Variants in LRRIQ1 observed in about 807,000 individuals in gnomAD.
The protein encoded by LRRIQ1 is leucine-rich repeat- and IQ domain-containing protein 1.
LRRIQ1 carries 210 observed loss-of-function variants against 211.9 expected under a neutral mutation model. The observed-to-expected ratio is 0.99, with a 90% CI of 0.89 to 1.11. LRRIQ1 has a LOEUF of 1.11. Ranked by LOEUF, LRRIQ1 falls within the 50% of genes most tolerant of loss-of-function variation. The pLI is 0.00. For missense variants in LRRIQ1, 2,136 were observed against 1,939.5 expected (o/e 1.10, Z -1.90); for synonymous variants, 699 against 650.1 (o/e 1.08, Z -1.14).
chr12:85,123,086 T>G (rs1393678934), intron 16 of LRRIQ1, among the ~76,000 whole-genome samples: 2 of 151,338 alleles, frequency 1.3e-5, no homozygotes, highest in Non-Finnish European at 2.9e-5. Flanking sequence ...CACTTAATAT[T>G]CTAATATTGA....
chr12:85,255,181 C>T, intron 1 of LRRIQ1, among the ~76,000 whole-genome samples: 1 of 151,602 alleles, frequency 6.6e-6, no homozygotes, highest in East Asian at 1.9e-4. Flanking sequence ...TCTACTATAA[C>T]TCCAGTAGAT....
intron 24 of LRRIQ1, among the ~76,000 whole-genome samples, chr12:85,208,826 C>G (rs1444253252): frequency 6.6e-6 from 1 of 152,112 alleles, no homozygotes; most frequent in Non-Finnish European, 1.5e-5. Context: ...GGATTGTTAT[C>G]TAATGTTATA....
At chr12:85,117,823 G>A (rs909625382) in intron 15 of LRRIQ1, among the ~76,000 whole-genome samples, 15 of 152,074 alleles carry the variant, frequency 9.9e-5, no homozygotes, top group African/African-American at 3.6e-4. Context: ...TTCATACCTG[G>A]CATTTTATAA....
Position 85,154,084 on chromosome 12 carries a change from G to GA in LRRIQ1, c.4717dup (p.Ile1573AsnfsTer14). The GA allele has an allele frequency of 1.9e-6, 3 of 1,556,146 alleles. No individual in the cohort carries two copies. Among genetic ancestry groups the GA allele is most frequent in the Non-Finnish European group, 2.6e-6 (3 of 1,148,240 alleles). ...AGAAAATGAAATCGAAGAAACTAAA[G>GA]AAAAAAATAGGTGAGTAATTAGTGC... On this transcript the variant is annotated frameshift_variant, in exon 23 of 27. Coordinates refer to ENST00000393217, the MANE Select transcript of LRRIQ1 (RefSeq NM_001079910.2). LOFTEE classifies it high-confidence loss of function.
intron 8 of LRRIQ1, among the ~76,000 whole-genome samples, chr12:85,060,985 T>G (rs1881727429): frequency 6.6e-6 from 1 of 151,876 alleles, no homozygotes; most frequent in African/African-American, 2.4e-5. Context: ...GTTTCATAGC[T>G]TCTATAGGTG....
intron 17 of LRRIQ1, among the ~76,000 whole-genome samples, chr12:85,125,603 A>T (rs763402555): frequency 2.6e-5 from 4 of 152,102 alleles, no homozygotes; most frequent in Non-Finnish European, 4.4e-5. Context: ...CCTTTTTTCA[A>T]AAGTTGTCAG....
intron 24 of LRRIQ1, among the ~76,000 whole-genome samples, chr12:85,202,869 T>C (rs905964978): frequency 4.6e-5 from 7 of 152,344 alleles, no homozygotes; most frequent in African/African-American, 1.4e-4. Flanking sequence ...CTGGTGGCTG[T>C]GTAGTCTCAC....
Position 85,055,612 on chromosome 12 carries a change from A to G in LRRIQ1, c.819A>G (p.Glu273=), listed in dbSNP as rs1330046113. The stretch of plus-strand genomic sequence containing the variant: ...GAACAAGATTTAAAGACCAACAAGA[A>G]AAAGAAAAAAATTCTTTGTTAAAAC... ...EERTRFKDQQ[E]KEKNSLLKQQ... Residue 273 remains glutamate, a synonymous_variant, in exon 8 of 27, where the codon GAA becomes GAG. Coordinates refer to ENST00000393217, the MANE Select transcript of LRRIQ1 (RefSeq NM_001079910.2). The G allele has an allele frequency of 2.5e-6, 4 of 1,571,748 alleles. No individual in the cohort carries two copies. In the East Asian group the frequency reaches 9.0e-5, roughly 35 times the overall value.
intron 11 of LRRIQ1, among the ~76,000 whole-genome samples, chr12:85,083,765 C>T (rs1430149762): frequency 6.6e-6 from 1 of 152,054 alleles, no homozygotes; most frequent in Non-Finnish European, 1.5e-5. Flanking sequence ...ATAATTAATA[C>T]CTGCCTATTG....
At chr12:85,054,760 A>T (rs1185009380) in intron 7 of LRRIQ1, among the ~76,000 whole-genome samples, 2 of 151,498 alleles carry the variant, frequency 1.3e-5, no homozygotes, top group Admixed American at 1.3e-4. Flanking sequence ...CTGTTTAAAT[A>T]TTTTTTCTAA....
At chr12:85,225,394 A>G (rs191392255) in intron 24 of LRRIQ1, among the ~76,000 whole-genome samples, 35 of 152,340 alleles carry the variant, frequency 2.3e-4, no homozygotes, top group Non-Finnish European at 1.6e-4. Context: ...GAAAACAGCT[A>G]CAAGTAAATG....
intron 24 of LRRIQ1, among the ~76,000 whole-genome samples, chr12:85,222,732 C>A (rs1245216144): frequency 6.6e-6 from 1 of 152,016 alleles, no homozygotes; most frequent in Non-Finnish European, 1.5e-5. Context: ...AAAAGGGAAA[C>A]TGATGGCAAG....
intron 19 of LRRIQ1, among the ~76,000 whole-genome samples, chr12:85,145,651 T>C (rs1474677227): frequency 6.6e-6 from 1 of 151,700 alleles, no homozygotes; most frequent in East Asian, 1.9e-4. Flanking sequence ...ATCTGAAGAA[T>C]GTCTTCCTAG....
Position 85,065,307 on chromosome 12 carries a change from A to C in LRRIQ1, c.2437A>C (p.Thr813Pro), listed in dbSNP as rs748227869. The C allele has an allele frequency of 6.2e-7, 1 of 1,610,824 alleles. No individual in the cohort carries two copies. Among genetic ancestry groups the C allele is most frequent in the Admixed American group, 1.7e-5 (1 of 59,744 alleles). ...AGATTTGCCAGGCTGTGTTCTCTCCACACTGGCAGAGTGTACAAATCTTCA... is the reference window on the plus strand; with the variant it reads ...AGATTTGCCAGGCTGTGTTCTCTCCCCACTGGCAGAGTGTACAAATCTTCA... ...FQDLPGCVLS[T>P]LAECTNLQFL... The change falls in exon 9 of 27, where the codon ACA becomes CCA. Residue 813 changes from threonine (T) to proline (P), a missense_variant. Thr to Pro is a conservative substitution (Grantham distance 38). Coordinates refer to ENST00000393217, the MANE Select transcript of LRRIQ1 (RefSeq NM_001079910.2).
chr12:85,258,194 T>C (rs1398189332), intron 1 of LRRIQ1, among the ~76,000 whole-genome samples: 1 of 151,862 alleles, frequency 6.6e-6, no homozygotes, highest in Non-Finnish European at 1.5e-5. Context: ...TTAAAACATT[T>C]TGATTATTAA....
chr12:85,167,173 A>G (rs935176330), intron 24 of LRRIQ1, among the ~76,000 whole-genome samples: 3 of 152,172 alleles, frequency 2.0e-5, no homozygotes, highest in South Asian at 2.1e-4. Context: ...TTTTAGGAAG[A>G]CTTTTCTGAT....
chr12:85,211,990 A>T (rs1893858697), intron 24 of LRRIQ1, among the ~76,000 whole-genome samples: 1 of 152,142 alleles, frequency 6.6e-6, no homozygotes. Context: ...ATGGGGGCCA[A>T]GCATGGTGGT....
chr12:85,150,095 G>T (rs117366414), intron 19 of LRRIQ1, among the ~76,000 whole-genome samples: 2 of 151,714 alleles, frequency 1.3e-5, no homozygotes, highest in Non-Finnish European at 2.9e-5. Flanking sequence ...GGTTTGGCAG[G>T]TGTTTAAGAA....
chr12:85,169,819 G>A (rs1338955873), intron 24 of LRRIQ1, among the ~76,000 whole-genome samples: 1 of 152,136 alleles, frequency 6.6e-6, no homozygotes. Flanking sequence ...TATGGAAGGA[G>A]AGCCATGTCA....
Sources: gnomAD v4.1 joint callset for allele counts (sites outside exome capture counted in the v4.1 genomes callset) on GRCh38, gnomAD v4.1.1 for gene constraint, MANE v1.5 for transcripts, NCBI Gene and HGNC (gene_info 2026-07-23, HGNC 2026-07-21) for gene names.